Variants in HLF observed in about 807,000 individuals in gnomAD.
HLF encodes hepatic leukemia factor.
Under a neutral mutation model 22.6 loss-of-function variants are expected in HLF, and 3 were observed. The ratio of observed to expected loss-of-function variants is 0.13; its 90% confidence interval spans 0.06 to 0.34. HLF has a LOEUF of 0.34. Among genes scored for constraint, HLF ranks in the 10% least tolerant of loss-of-function variants. The pLI is 1.00. For synonymous variants in HLF, 151 were observed against 151.8 expected, an observed-to-expected ratio of 0.99 and a Z score of 0.04; for missense variants, 299 against 389.2, an observed-to-expected ratio of 0.77 and a Z score of 1.95.
intron 2 of HLF, among the ~76,000 whole-genome samples, chr17:55,284,624 G>T (rs1373045546): frequency 6.6e-6 from 1 of 152,092 alleles, no homozygotes; most frequent in African/African-American, 2.4e-5. Flanking sequence ...AGGGGAGGGG[G>T]ACCAAGGGAT....
chr17:55,323,687 C>CA lies in HLF; in HGVS notation c.*2809dup. On this transcript the variant is annotated 3_prime_UTR_variant, in exon 4 of 4. Coordinates refer to ENST00000226067, the MANE Select transcript of HLF (RefSeq NM_002126.5). The stretch of plus-strand genomic sequence containing the variant: ...GGACTGGCTGCCTCTCCATCCAGGG[C>CA]AGTTAACTAGCAAACAAGGCAGATC... 1 of 229,882 alleles carries CA rather than the reference C, an allele frequency of 4.4e-6. No homozygotes were observed. The allele number at this position is 229,882 out of a possible 1,614,324, so 14.2% of individuals were successfully genotyped here.
chr17:55,299,736 C>T (rs559498266), intron 2 of HLF, among the ~76,000 whole-genome samples: 9 of 152,146 alleles, frequency 5.9e-5, no homozygotes, highest in Non-Finnish European at 1.2e-4. Flanking sequence ...CACCATGCCT[C>T]GCTAATTTTT....
At chr17:55,309,703 A>G (rs191241667) in intron 2 of HLF, among the ~76,000 whole-genome samples, 1 of 152,352 alleles carries the variant, frequency 6.6e-6, no homozygotes, top group East Asian at 1.9e-4. Context: ...GATAGAGGAT[A>G]ATGTTATCAG....
At chr17:55,277,180 C>T (rs979225153) in intron 2 of HLF, among the ~76,000 whole-genome samples, 1 of 151,108 alleles carries the variant, frequency 6.6e-6, no homozygotes, top group East Asian at 1.9e-4. Context: ...CTTTTAAATG[C>T]CTCTATTTTA....
intron 2 of HLF, chr17:55,273,589 C>T (rs1007164254): frequency 6.6e-6 from 1 of 152,150 alleles, no homozygotes; most frequent in Non-Finnish European, 1.5e-5. Context: ...TCTGGGTTAC[C>T]AACTCCTGTT....
chr17:55,278,369 A>G (rs547422845), intron 2 of HLF, among the ~76,000 whole-genome samples: 2 of 152,368 alleles, frequency 1.3e-5, no homozygotes, highest in Non-Finnish European at 2.9e-5. Context: ...TTTCTTTTCT[A>G]ATTAGCTCTG....
At chr17:55,317,727 CCA>C (rs1362576872) in intron 3 of HLF, among the ~76,000 whole-genome samples, 2 of 152,120 alleles carry the variant, frequency 1.3e-5, no homozygotes, top group African/African-American at 4.8e-5. Context: ...TTTCTGGCCC[CCA>C]GCATTGGACA....
intron 2 of HLF, among the ~76,000 whole-genome samples, chr17:55,303,839 C>T (rs1904413984): frequency 6.6e-6 from 1 of 152,174 alleles, no homozygotes; most frequent in Admixed American, 6.5e-5. Flanking sequence ...TCAGTAAGCT[C>T]GTTCTGCACA....
At chr17:55,274,114 G>A (rs756009939) in intron 2 of HLF, among the ~76,000 whole-genome samples, 3 of 152,004 alleles carry the variant, frequency 2.0e-5, no homozygotes, top group Non-Finnish European at 4.4e-5. Flanking sequence ...GAAAGGGGGT[G>A]GGGGAGGTGG....
rs974825774 is a variant in HLF at position 55,321,621 on chromosome 17, G to C, written c.*742G>C. On this transcript the variant is annotated 3_prime_UTR_variant, in exon 4 of 4. Transcript: ENST00000226067. Reference sequence around the variant, plus strand: ...ACCTAAAGCAATAATCCTATTGTACGCTAGAGCATGCTGCCTGAGTATTAC... The same window carrying C: ...ACCTAAAGCAATAATCCTATTGTACCCTAGAGCATGCTGCCTGAGTATTAC... 7.9e-5 allele frequency: 18 copies of C among 227,544 alleles called. No individual in the cohort carries two copies. The highest frequency in any genetic ancestry group is 7.9e-5 in the Non-Finnish European group (9 of 114,416). 14.1% of individuals were successfully genotyped at this position (227,544 alleles called of 1,614,324 possible).
intron 2 of HLF, among the ~76,000 whole-genome samples, chr17:55,286,873 G>A (rs1355721311): frequency 3.9e-5 from 6 of 152,134 alleles, no homozygotes; most frequent in Non-Finnish European, 1.5e-5. Flanking sequence ...TTCCATGATG[G>A]AAGGCCTCCC....
chr17:55,283,903 A>G (rs1026750309), intron 2 of HLF: 1 of 152,226 alleles, frequency 6.6e-6, no homozygotes, highest in Non-Finnish European at 1.5e-5. Flanking sequence ...AAGTGCAGCC[A>G]CTTTCTTTAA....
At chr17:55,298,837 C>T (rs2081132325) in intron 2 of HLF, among the ~76,000 whole-genome samples, 1 of 152,188 alleles carries the variant, frequency 6.6e-6, no homozygotes, top group African/African-American at 2.4e-5. Flanking sequence ...TGAGTGTATG[C>T]CTTTTCCCAA....
At chr17:55,274,660 G>T (rs572787769) in intron 2 of HLF, among the ~76,000 whole-genome samples, 5 of 152,326 alleles carry the variant, frequency 3.3e-5, no homozygotes, top group African/African-American at 1.2e-4. Flanking sequence ...AGCTGCTCAC[G>T]ATCTCAGGCA....
At position 55,321,845 on chromosome 17, in the gene HLF, G is replaced by A. The variant is rs1484839628; in HGVS notation, c.*966G>A. The A allele has an allele frequency of 1.3e-5, 3 of 232,294 alleles. No individual in the cohort carries two copies. In the East Asian group the frequency reaches 1.8e-4, roughly 14 times the overall value. 14.4% of individuals were successfully genotyped at this position (232,294 alleles called of 1,614,324 possible). Reference sequence around the variant, plus strand: ...TCTTGGATTAGCCTTTGACATTGATGTGTTCGGTTTTGTTGTTCCCCTTCC... The same window carrying A: ...TCTTGGATTAGCCTTTGACATTGATATGTTCGGTTTTGTTGTTCCCCTTCC... On this transcript the variant is annotated 3_prime_UTR_variant, in exon 4 of 4. Coordinates refer to ENST00000226067, the MANE Select transcript of HLF (RefSeq NM_002126.5).
In HLF at chr17:55,265,371, C is replaced by T. The variant is rs750396091; in HGVS notation, c.-114C>T. ...TTTTTTCTTCCCTTTTCTCCACCGC[C>T]TTGAGAGCGAGTACTTTTGGCAAAG... On this transcript the variant is annotated 5_prime_UTR_variant, in exon 1 of 4. Transcript: ENST00000226067. 2 of 658,960 alleles carry T rather than the reference C, an allele frequency of 3.0e-6. No individual in the cohort carries two copies. The highest frequency in any genetic ancestry group is 5.4e-6 in the Non-Finnish European group (2 of 369,296). 40.8% of individuals were successfully genotyped at this position (658,960 alleles called of 1,614,324 possible). A position where few individuals can be genotyped will look rare whatever the true frequency, so the allele number is the denominator to read the frequency against.
Position 55,295,614 on chromosome 17 carries a change from G to A in HLF, c.452-19613G>A, listed in dbSNP as rs551481877. On this transcript the variant is annotated intron_variant, in intron 2 of 3. Transcript: ENST00000226067. ...GTGTAATGGATGGGATTTGACAGTT[G>A]CTGTGGCAACACACCCACTTCCAGA... Among the ~76,000 whole-genome samples, 90 of 152,350 alleles carry A rather than the reference G, an allele frequency of 5.9e-4. 1 individual carries two copies. The highest frequency in any genetic ancestry group is 2.0e-3 in the African/African-American group (85 of 41,582).
At chr17:55,297,257 T>C (rs898365191) in intron 2 of HLF, among the ~76,000 whole-genome samples, 2 of 152,242 alleles carry the variant, frequency 1.3e-5, no homozygotes, top group African/African-American at 4.8e-5. Flanking sequence ...TCTGTAGTTA[T>C]TTGTTCATAA....
chr17:55,274,977 T>C (rs1393643294), intron 2 of HLF, among the ~76,000 whole-genome samples: 1 of 152,246 alleles, frequency 6.6e-6, no homozygotes, highest in Non-Finnish European at 1.5e-5. Context: ...CTGCCAAGTC[T>C]TGCTTGCCCT....
Sources: gnomAD v4.1 joint callset for allele counts (sites outside exome capture counted in the v4.1 genomes callset) on GRCh38, gnomAD v4.1.1 for gene constraint, MANE v1.5 for transcripts, NCBI Gene and HGNC (gene_info 2026-07-23, HGNC 2026-07-21) for gene names.